DRAM2: variants seen among roughly 807,000 people sequenced by gnomAD.
DRAM2 encodes DNA damage-regulated autophagy modulator protein 2.
Under a neutral mutation model 33.5 loss-of-function variants are expected in DRAM2, and 26 were observed. That is an observed-to-expected ratio of 0.78 (90% confidence interval 0.57 to 1.08). The LOEUF (loss-of-function observed/expected upper bound fraction) is 1.08. DRAM2 is among the 50% of genes least tolerant of loss of function. The pLI is 0.00. For missense variants in DRAM2, 311 were observed against 318.1 expected (o/e 0.98, Z 0.17); for synonymous variants, 98 against 109.5 (o/e 0.89, Z 0.66).
At chr1:111,120,101 G>A (rs325918) in intron 7 of DRAM2, 142 bp from the exon 8 acceptor site, 140,489 of 711,452 alleles carry the variant, frequency 0.2, 16,886 homozygotes, top group South Asian at 0.38. Context: ...CACAGCAGTG[G>A]TACTGTAAAA....
chr1:111,122,637 G>A (rs570502606), intron 6 of DRAM2: 36 of 150,418 alleles, frequency 2.4e-4, no homozygotes, highest in African/African-American at 8.1e-4. Flanking sequence ...AGTAGTAAAC[G>A]TTTACTCTGG....
chr1:111,138,236 T>G (rs897776122), intron 2 of DRAM2, among the ~76,000 whole-genome samples: 5 of 152,232 alleles, frequency 3.3e-5, no homozygotes, highest in African/African-American at 1.2e-4. Context: ...CCCAGTTGTT[T>G]AAACTGACAG....
In DRAM2 at chr1:111,126,211, C is replaced by G. The variant is rs1650976236; in HGVS notation, c.199+16G>C. 2 of 1,577,582 alleles carry G rather than the reference C, an allele frequency of 1.3e-6. No homozygotes were observed. The highest frequency in any genetic ancestry group is 2.2e-5 in the South Asian group (2 of 89,966). On this transcript the variant is annotated intron_variant, in intron 5 of 9. Transcript: ENST00000484310. ...AATTTGGCTATTATCATGTTAAAAT[C>G]ACTTTCATTACTTACATAAAACTGC...
chr1:111,118,188 C>A lies in DRAM2; in HGVS notation c.773G>T (p.Arg258Leu), dbSNP rs769407736. 2 of 1,612,818 alleles carry A rather than the reference C, an allele frequency of 1.2e-6. No individual in the cohort carries two copies. The highest frequency in any genetic ancestry group is 1.7e-6 in the Non-Finnish European group (2 of 1,179,110). ...AATATCTCTGGAAAGTAGCCGTGTT[C>A]GTTCATTGTTAATAGGGCAAGGTGC... is the stretch of plus-strand genomic sequence containing the variant. ...DTAPCPINNE[R>L]TRLLSRDI Residue 258 changes from arginine (R) to leucine (L), a missense_variant, in exon 10 of 10, where the codon CGA (arginine) becomes CTA (leucine). Transcript: ENST00000484310.
intron 6 of DRAM2, among the ~76,000 whole-genome samples, chr1:111,120,939 TTTA>T (rs376853871): frequency 1.3e-5 from 2 of 152,270 alleles, no homozygotes; most frequent in East Asian, 3.9e-4. Context: ...GAATTATTCA[TTTA>T]TTATTTTCTT....
In DRAM2 at chr1:111,139,555, G is replaced by A. The variant is rs935829178; in HGVS notation, c.-133C>T. The A allele has an allele frequency of 1.3e-5, 2 of 152,304 alleles. No individual in the cohort carries two copies. Among genetic ancestry groups the A allele is most frequent in the Middle Eastern group, 3.4e-3 (1 of 294 alleles). The allele number at this position is 152,304 out of a possible 1,614,324, so 9.4% of individuals were successfully genotyped here. On this transcript the variant is annotated 5_prime_UTR_variant, in exon 2 of 10. Coordinates refer to ENST00000484310, the MANE Select transcript of DRAM2 (RefSeq NM_001349884.2). ...TACTCAATTAGCTTTTGTGGGAAAG[G>A]GTTGAAGATTCTTGGTAACTGCTTC...
chr1:111,128,883 A>T (rs1046801220), intron 4 of DRAM2, among the ~76,000 whole-genome samples: 2 of 152,188 alleles, frequency 1.3e-5, no homozygotes, highest in Admixed American at 1.3e-4. Context: ...ACTGTGAAAG[A>T]CCCTCATGAA....
At chr1:111,138,363 G>A (rs1223076234) in intron 2 of DRAM2, among the ~76,000 whole-genome samples, 1 of 152,232 alleles carries the variant, frequency 6.6e-6, no homozygotes, top group Non-Finnish European at 1.5e-5. Flanking sequence ...TTTGAAACCT[G>A]AAAGCATTGC....
Position 111,118,267 on chromosome 1 carries a change from T to C in DRAM2, c.694A>G (p.Lys232Glu). Residue 232 changes from lysine to glutamate, a missense_variant and splice_region_variant, in exon 10 of 10, where the codon AAA becomes GAA. Transcript: ENST00000484310. ...FFLTYIRDFQKISLRVEANLH... is the reference protein window; with the variant it reads ...FFLTYIRDFQEISLRVEANLH... The stretch of plus-strand genomic sequence containing the variant: ...TTGGCTTCCACCCGTAAAGAAATTT[T>C]CTGGAACAGAAAAGAAAATTATATA... 1 of 1,609,498 alleles carries C rather than the reference T, an allele frequency of 6.2e-7. No individual in the cohort carries two copies.
At chr1:111,126,073 T>C (rs1162712406) in intron 5 of DRAM2, among the ~76,000 whole-genome samples, 154 bp downstream of exon 5, 2 of 152,080 alleles carry the variant, frequency 1.3e-5, no homozygotes, top group Admixed American at 1.3e-4. Flanking sequence ...AAAGTGTTTT[T>C]CTTTTAAAAG....
chr1:111,126,776 C>T lies in DRAM2; in HGVS notation c.132-482G>A, dbSNP rs188229388. ...CATGTGCCAGACACCATTTCAGAAA[C>T]GGGAACACAGTGATAAGTAAAATAG... On this transcript the variant is annotated intron_variant, in intron 4 of 9. Transcript: ENST00000484310. Among the ~76,000 whole-genome samples the T allele has an allele frequency of 1.2e-3, 176 of 152,256 alleles. 1 individual carries two copies. Among genetic ancestry groups the T allele is most frequent in the Middle Eastern group, 6.8e-3 (2 of 294 alleles).
intron 3 of DRAM2, among the ~76,000 whole-genome samples, chr1:111,135,583 A>T (rs1040765904): frequency 1.3e-5 from 2 of 152,218 alleles, no homozygotes; most frequent in African/African-American, 4.8e-5. Context: ...TGTCCACCTC[A>T]TTGCTAGTAG....
intron 3 of DRAM2, among the ~76,000 whole-genome samples, chr1:111,137,020 G>A (rs1653336294): frequency 6.6e-6 from 1 of 150,904 alleles, no homozygotes; most frequent in Non-Finnish European, 1.5e-5. Context: ...TTGGGAGGTC[G>A]AGGCAGGCGG....
intron 6 of DRAM2, among the ~76,000 whole-genome samples, chr1:111,123,253 A>C (rs544848430): frequency 2.6e-5 from 4 of 152,186 alleles, no homozygotes; most frequent in African/African-American, 9.7e-5. Context: ...ACTAATGTCC[A>C]GCAAAACTAA....
At chr1:111,130,049 G>T (rs187875955) in intron 4 of DRAM2, among the ~76,000 whole-genome samples, 2 of 134,922 alleles carry the variant, frequency 1.5e-5, no homozygotes, top group Admixed American at 1.5e-4. Context: ...AAAAAAGAGG[G>T]TTATTATAGC....
intron 6 of DRAM2, among the ~76,000 whole-genome samples, chr1:111,124,297 T>C (rs1412091237): frequency 6.6e-6 from 1 of 152,220 alleles, no homozygotes; most frequent in Non-Finnish European, 1.5e-5. Flanking sequence ...TTTCCTCATA[T>C]ACAAGGCAGG....
intron 3 of DRAM2, among the ~76,000 whole-genome samples, chr1:111,132,650 C>G (rs1223025045): frequency 2.7e-5 from 4 of 150,474 alleles, no homozygotes; most frequent in African/African-American, 4.9e-5. Context: ...AGTGAGAGAA[C>G]AGGAAAAACA....
At chr1:111,124,473 C>T (rs1487319804) in intron 6 of DRAM2, among the ~76,000 whole-genome samples, 1 of 152,086 alleles carries the variant, frequency 6.6e-6, no homozygotes, top group African/African-American at 2.4e-5. Flanking sequence ...AAGTAATCTC[C>T]AACTAAGTAG....
At chr1:111,135,679 C>T (rs531575521) in intron 3 of DRAM2, among the ~76,000 whole-genome samples, 2 of 152,288 alleles carry the variant, frequency 1.3e-5, no homozygotes, top group African/African-American at 4.8e-5. Flanking sequence ...GATAACTTTA[C>T]CTAAGCCCTT....
Sources: gnomAD v4.1 joint callset for allele counts (sites outside exome capture counted in the v4.1 genomes callset) on GRCh38, gnomAD v4.1.1 for gene constraint, MANE v1.5 for transcripts, NCBI Gene and HGNC (gene_info 2026-07-23, HGNC 2026-07-21) for gene names.